PDE10A: variants seen among roughly 807,000 people sequenced by gnomAD.
PDE10A encodes cAMP and cAMP-inhibited cGMP 3',5'-cyclic phosphodiesterase 10A.
In PDE10A, 39 loss-of-function variants were observed where a neutral mutation model predicts 97.7. That is an observed-to-expected ratio of 0.40 (90% CI 0.31 to 0.52). The LOEUF (loss-of-function observed/expected upper bound fraction) is 0.52, where lower values mean the gene tolerates loss of function less well. Ranked by LOEUF, PDE10A falls within the 20% of genes least tolerant of loss-of-function variation. PDE10A has a pLI of 0.56. For missense variants in PDE10A, 731 were observed against 1,047.8 expected, an observed-to-expected ratio of 0.70 and a Z score of 4.17; for synonymous variants, 371 against 376.8, an observed-to-expected ratio of 0.98 and a Z score of 0.18.
At chr6:165,621,763 GA>G (rs1203283730) in intron 1 of PDE10A, among the ~76,000 whole-genome samples, 4 of 142,604 alleles carry the variant, frequency 2.8e-5, no homozygotes, top group South Asian at 2.2e-4. Flanking sequence ...ATCTAAAAAA[GA>G]AAAAAAAAAG....
At chr6:165,691,116 C>A (rs558450100) in intron 1 of PDE10A, among the ~76,000 whole-genome samples, 6 of 106,478 alleles carry the variant, frequency 5.6e-5, no homozygotes, top group Admixed American at 8.9e-5. Context: ...TCCCCCCCCC[C>A]ATCAGTGCCT....
chr6:165,384,231 C>T (rs956884812), intron 17 of PDE10A, among the ~76,000 whole-genome samples: 13 of 151,982 alleles, frequency 8.6e-5, no homozygotes, highest in Admixed American at 2.6e-4. Context: ...AGGCTGAAAC[C>T]GAGATGTCAA....
intron 1 of PDE10A, among the ~76,000 whole-genome samples, chr6:165,645,229 G>A (rs561424495): frequency 9.2e-4 from 140 of 152,290 alleles, no homozygotes; most frequent in African/African-American, 3.3e-3. Flanking sequence ...GCGAGGGTGC[G>A]GCTGCCTTCT....
chr6:165,733,450 A>G (rs768093143), intron 1 of PDE10A, among the ~76,000 whole-genome samples: 1 of 152,164 alleles, frequency 6.6e-6, no homozygotes, highest in Non-Finnish European at 1.5e-5. Flanking sequence ...TTCATTTTCC[A>G]TGAAACAGAC....
chr6:165,369,802 G>A (rs1313706486), intron 18 of PDE10A, among the ~76,000 whole-genome samples: 2 of 149,696 alleles, frequency 1.3e-5, no homozygotes, highest in South Asian at 2.1e-4. Flanking sequence ...TGAAATGAAG[G>A]AAAAAATGTT....
At chr6:165,970,858 A>AT (rs1426245189) in intron 1 of PDE10A, among the ~76,000 whole-genome samples, 2 of 152,144 alleles carry the variant, frequency 1.3e-5, no homozygotes, top group Non-Finnish European at 2.9e-5. Flanking sequence ...TGAAAAAAAA[A>AT]TTTTTCAGCC....
intron 13 of PDE10A, among the ~76,000 whole-genome samples, chr6:165,407,259 G>A (rs557313629): frequency 1.3e-5 from 2 of 152,100 alleles, no homozygotes; most frequent in South Asian, 2.1e-4. Context: ...AGGGAAGAAC[G>A]ATGTCAGAGA....
At chr6:165,917,317 T>C (rs1340748898) in intron 1 of PDE10A, among the ~76,000 whole-genome samples, 1 of 151,884 alleles carries the variant, frequency 6.6e-6, no homozygotes, top group Non-Finnish European at 1.5e-5. Flanking sequence ...ACCAAGAGCA[T>C]GGCCATGGCT....
At position 165,379,245 on chromosome 6, in the gene PDE10A, A is replaced by C. The variant is rs1784793283; in HGVS notation, c.2732T>G (p.Leu911Trp). 6.2e-7 allele frequency: 1 copy of C among 1,613,802 alleles called. No individual in the cohort carries two copies. Among genetic ancestry groups the C allele is most frequent in the Non-Finnish European group, 8.5e-7 (1 of 1,179,744 alleles). The change falls in exon 18 of 22, where the codon TTG becomes TGG. Residue 911 changes from leucine (L) to tryptophan (W), a missense_variant. Coordinates refer to ENST00000539869, the MANE Select transcript of PDE10A (RefSeq NM_001385079.1). ...TGATCCGGTCTGGTACATCTCTTCC[A>C]ACTGCTTCCTGTTTCCAAAGTATAA... ...LALYFGNRKQ[L>W]EEMYQTGSLN... is the part of the protein sequence containing the mutation.
intron 1 of PDE10A, among the ~76,000 whole-genome samples, chr6:165,730,836 G>A (rs1247061043): frequency 1.3e-5 from 2 of 151,360 alleles, no homozygotes; most frequent in African/African-American, 2.4e-5. Context: ...ACAAGGTCAG[G>A]AGTTGAAGAC....
chr6:165,515,348 C>T (rs538721248), intron 2 of PDE10A, among the ~76,000 whole-genome samples: 2 of 152,140 alleles, frequency 1.3e-5, no homozygotes, highest in South Asian at 2.1e-4. Context: ...GTAATCTCTG[C>T]AATGTCATTA....
At chr6:165,863,441 A>G (rs1224982941) in intron 1 of PDE10A, among the ~76,000 whole-genome samples, 1 of 152,210 alleles carries the variant, frequency 6.6e-6, no homozygotes, top group Non-Finnish European at 1.5e-5. Flanking sequence ...CCTTCTGACA[A>G]TATAAACTAG....
In PDE10A at chr6:165,658,778, TG is replaced by T. The variant is rs767308655; in HGVS notation, c.865+3168del. Among the ~76,000 whole-genome samples, 5 of 152,310 alleles carry T rather than the reference TG, an allele frequency of 3.3e-5. No homozygotes were observed. The South Asian group carries it at 8.3e-4, about 25-fold the overall frequency. On this transcript the variant is annotated intron_variant, in intron 1 of 21. Coordinates refer to ENST00000539869, the MANE Select transcript of PDE10A (RefSeq NM_001385079.1). ...CTTTGCTCACAAGAAAGCATGAAGCTGGGTGCCTGAGGAGGAGGCCAGAGAT... is the reference window on the plus strand; with the variant it reads ...CTTTGCTCACAAGAAAGCATGAAGCTGGTGCCTGAGGAGGAGGCCAGAGAT...
intron 3 of PDE10A, among the ~76,000 whole-genome samples, chr6:165,479,148 C>T (rs1779459091): frequency 6.6e-6 from 1 of 151,870 alleles, no homozygotes; most frequent in African/African-American, 2.4e-5. Context: ...TTTGGTTTAC[C>T]CTCCCATAAA....
intron 14 of PDE10A, 22 bp downstream of exon 14, chr6:165,396,295 A>G (rs1239737042): frequency 6.2e-7 from 1 of 1,604,690 alleles, no homozygotes; most frequent in South Asian, 1.1e-5. Flanking sequence ...TCCTGAAGAA[A>G]CTGACAGAGC....
intron 2 of PDE10A, among the ~76,000 whole-genome samples, chr6:165,538,348 T>C (rs1783222741): frequency 1.3e-5 from 2 of 152,126 alleles, no homozygotes; most frequent in Admixed American, 1.3e-4. Context: ...ACAATGATAG[T>C]GATACGGTCG....
chr6:165,426,065 C>A (rs1370276031), intron 10 of PDE10A, among the ~76,000 whole-genome samples: 1 of 151,846 alleles, frequency 6.6e-6, no homozygotes, highest in Non-Finnish European at 1.5e-5. Context: ...GGAAAAATAC[C>A]TCACGTTCGT....
exon 1 of PDE10A, chr6:165,987,615 GA>G (rs751869225): frequency 4.6e-5 from 19 of 410,554 alleles, no homozygotes; most frequent in Admixed American, 1.6e-4. Context: ...GAAAGAAAAA[GA>G]AAAAAAAAGG....
intron 1 of PDE10A, among the ~76,000 whole-genome samples, chr6:165,580,115 G>C (rs779773356): frequency 6.6e-6 from 1 of 152,042 alleles, no homozygotes; most frequent in Non-Finnish European, 1.5e-5. Flanking sequence ...CTTCCGTTTT[G>C]TTCACTGATA....
Sources: allele counts gnomAD v4.1 joint callset (sites outside exome capture counted in the v4.1 genomes callset), GRCh38; gene constraint gnomAD v4.1.1; transcripts MANE v1.5; gene names NCBI Gene and HGNC (gene_info 2026-07-23, HGNC 2026-07-21).